Variants in HIBCH observed in about 807,000 individuals in gnomAD.
The protein encoded by HIBCH is 3-hydroxyisobutyryl-CoA hydrolase, mitochondrial.
Under a neutral mutation model 58.2 loss-of-function variants are expected in HIBCH, and 50 were observed. That is an observed-to-expected ratio of 0.86 (90% CI 0.68 to 1.09). The LOEUF (loss-of-function observed/expected upper bound fraction) is 1.09, where lower values mean the gene tolerates loss of function less well. HIBCH is among the 50% of genes least tolerant of loss of function. The probability of loss-of-function intolerance (pLI) is 0.00; values close to 1 mark genes in which losing one functional copy is unlikely to be tolerated. For missense variants in HIBCH, 450 were observed against 449.7 expected (o/e 1.00, Z -0.01); for synonymous variants, 151 against 146.9 (o/e 1.03, Z -0.20).
rs141965638 is a variant in HIBCH at position 190,281,795 on chromosome 2, G to A, written c.438+5791C>T. ...CCATGCAGCAGCCTGAATGCTTTGC[G>A]GATTAGATAGATCTTCTTCCAGGCA... On this transcript the variant is annotated intron_variant, in intron 6 of 13. Transcript: ENST00000359678. This position sits in a 1 kb window ranked among gnomAD's most constrained non-coding sequence, Gnocchi z 5.4. Among the ~76,000 whole-genome samples the A allele has an allele frequency of 1.1e-3, 174 of 152,184 alleles. No individual in the cohort carries two copies. Among genetic ancestry groups the A allele is most frequent in the African/African-American group, 3.9e-3 (163 of 41,522 alleles).
At chr2:190,225,446 C>A (rs554157063) in intron 11 of HIBCH, among the ~76,000 whole-genome samples, 2 of 152,024 alleles carry the variant, frequency 1.3e-5, no homozygotes, top group Non-Finnish European at 2.9e-5. Flanking sequence ...ATATCACCAC[C>A]GATCCCACAG....
At chr2:190,312,279 A>C (rs291447) in intron 1 of HIBCH, among the ~76,000 whole-genome samples, 86,456 of 152,040 alleles carry the variant, frequency 0.57, 25,322 homozygotes, top group South Asian at 0.61. Flanking sequence ...TAGCTCTTGC[A>C]CTCGAGAAAC....
chr2:190,285,946 A>C (rs1315926090), intron 6 of HIBCH, among the ~76,000 whole-genome samples: 1 of 152,086 alleles, frequency 6.6e-6, no homozygotes, highest in Non-Finnish European at 1.5e-5. Context: ...GGTTCAAGCA[A>C]TTCTCGTGCC....
chr2:190,199,231 A>G (rs138424235), downstream of HIBCH, among the ~76,000 whole-genome samples: 336 of 152,314 alleles, frequency 2.2e-3, no homozygotes, highest in African/African-American at 7.6e-3. Context: ...GTAAAGGGTC[A>G]GATAGTACAT....
intron 6 of HIBCH, among the ~76,000 whole-genome samples, chr2:190,282,808 C>T (rs1022446351): frequency 6.7e-6 from 1 of 149,070 alleles, no homozygotes; most frequent in Non-Finnish European, 1.5e-5. Flanking sequence ...AAAAATTTCT[C>T]TATAACTGTA....
intron 4 of HIBCH, among the ~76,000 whole-genome samples, chr2:190,293,239 A>G (rs6434386): frequency 0.97 from 148,162 of 152,216 alleles, 72,149 homozygotes; most frequent in Admixed American, 0.98. Flanking sequence ...ATCGCCTGAG[A>G]TCAGGAGTTC....
In HIBCH at chr2:190,268,308, A is replaced by G. The variant is rs75733399; in HGVS notation, c.439-7074T>C. Among the ~76,000 whole-genome samples, 1,204 of 152,326 alleles carry G rather than the reference A, an allele frequency of 7.9e-3. 13 individuals carry two copies. The highest frequency in any genetic ancestry group is 0.031 in the Middle Eastern group (9 of 294). On this transcript the variant is annotated intron_variant, in intron 6 of 13. Coordinates refer to ENST00000359678, the MANE Select transcript of HIBCH (RefSeq NM_014362.4). ...TTTATGGTGTCCCGAGCACTCTGAC[A>G]TTCACTGTTTTTTAACTGCGTTATT...
In HIBCH at chr2:190,207,269, A is replaced by G. The variant is rs1248650765; in HGVS notation, c.1045+1611T>C. 2.0e-5 allele frequency among the ~76,000 whole-genome samples: 3 copies of G among 152,254 alleles called. No homozygotes were observed. Among genetic ancestry groups the G allele is most frequent in the Non-Finnish European group, 4.4e-5 (3 of 68,050 alleles). On this transcript the variant is annotated intron_variant, in intron 13 of 13. Transcript: ENST00000359678. This position sits in a 1 kb window ranked among gnomAD's most constrained non-coding sequence, Gnocchi z 4.5. ...TCTTTCTTTTTAAAGAAGGGCTATT[A>G]TAACATATAATGAATACTTTAACAA...
intron 5 of HIBCH, 120 bp downstream of exon 5, chr2:190,290,285 C>T: frequency 1.4e-6 from 1 of 728,706 alleles, no homozygotes. Context: ...TTACTTATGC[C>T]TGGCACATGG....
rs1177801382 is a variant in HIBCH, at chr2:190,306,894, G to C, written c.78+3860C>G. Among the ~76,000 whole-genome samples, 1 of 152,172 alleles carries C rather than the reference G, an allele frequency of 6.6e-6. No homozygotes were observed. Among genetic ancestry groups the C allele is most frequent in the Non-Finnish European group, 1.5e-5 (1 of 68,038 alleles). On this transcript the variant is annotated intron_variant, in intron 2 of 13. Transcript: ENST00000359678. This position sits in a 1 kb window ranked among gnomAD's most constrained non-coding sequence, Gnocchi z 4.6. ...AGCTTCTTCACCCCTTCTACCACAA[G>C]AGGACAGAGAGATAAGATGGCCAAC...
intron 6 of HIBCH, among the ~76,000 whole-genome samples, chr2:190,271,463 T>C (rs745626987): frequency 1.3e-5 from 2 of 151,678 alleles, no homozygotes; most frequent in African/African-American, 4.8e-5. Flanking sequence ...CTAATTTTTG[T>C]TATTTTCAGT....
chr2:190,231,384 A>G (rs1686091947), intron 11 of HIBCH, among the ~76,000 whole-genome samples: 1 of 152,236 alleles, frequency 6.6e-6, no homozygotes, highest in African/African-American at 2.4e-5. Flanking sequence ...ACATTTGATC[A>G]TCAAAAATTA....
chr2:190,271,260 T>C (rs1687390555), intron 6 of HIBCH, among the ~76,000 whole-genome samples: 2 of 149,564 alleles, frequency 1.3e-5, no homozygotes, highest in Non-Finnish European at 3.0e-5. Flanking sequence ...CTTAAATCTA[T>C]CTACCCATTA....
chr2:190,226,694 C>A (rs1365137796), intron 11 of HIBCH, among the ~76,000 whole-genome samples: 11 of 151,514 alleles, frequency 7.3e-5, no homozygotes, highest in African/African-American at 2.7e-4. Flanking sequence ...ATCTCAGCCC[C>A]AAATCTCCTT....
At chr2:190,293,992 A>G (rs2105989163) in intron 4 of HIBCH, among the ~76,000 whole-genome samples, 1 of 144,142 alleles carries the variant, frequency 6.9e-6, no homozygotes, top group East Asian at 2.0e-4. Context: ...ATATACTTAC[A>G]ATATATATTT....
chr2:190,300,147 T>G (rs976013370), intron 2 of HIBCH, among the ~76,000 whole-genome samples: 3 of 152,256 alleles, frequency 2.0e-5, no homozygotes, highest in African/African-American at 7.2e-5. Flanking sequence ...TGTGTCTTTA[T>G]GGTAGTACAA....
At chr2:190,213,197 C>A in intron 11 of HIBCH, 122 bp from the exon 12 acceptor site, 1 of 842,704 alleles carries the variant, frequency 1.2e-6, no homozygotes, top group Non-Finnish European at 1.9e-6. Context: ...AGATTATACC[C>A]TAGCTTAATC....
At position 190,190,121 on chromosome 2, in the gene HIBCH, C is replaced by T. The variant is rs948618180; in HGVS notation, c.*18-124G>A. The T allele has an allele frequency of 3.3e-5, 5 of 152,174 alleles. No homozygotes were observed. The South Asian group carries it at 1.0e-3, about 31-fold the overall frequency. The allele number at this position is 152,174 out of a possible 1,614,324, so 9.4% of individuals were successfully genotyped here. ...ATACAGTAAACAGATGTTAAAGGTACAATCTAACATGTTTTAACATATACC... is the reference window on the plus strand; with the variant it reads ...ATACAGTAAACAGATGTTAAAGGTATAATCTAACATGTTTTAACATATACC... On this transcript the variant is annotated intron_variant, in intron 1 of 1. Transcript: ENST00000399855.
intron 6 of HIBCH, among the ~76,000 whole-genome samples, chr2:190,266,362 G>A (rs562966140): frequency 3.5e-4 from 53 of 152,254 alleles, no homozygotes; most frequent in Non-Finnish European, 5.1e-4. Flanking sequence ...AAATATGTTC[G>A]AATATTTCTT....
Sources: gnomAD v4.1 joint callset for allele counts (sites outside exome capture counted in the v4.1 genomes callset) on GRCh38, gnomAD v4.1.1 for gene constraint, Gnocchi (gnomAD v3.1) non-coding constraint, MANE v1.5 for transcripts, NCBI Gene and HGNC (gene_info 2026-07-23, HGNC 2026-07-21) for gene names.